TMEM117: variants seen among roughly 807,000 people sequenced by gnomAD.
The protein encoded by TMEM117 is transmembrane protein 117.
In TMEM117, 27 loss-of-function variants were observed where a neutral mutation model predicts 52.4. The observed-to-expected ratio is 0.51, with a 90% CI of 0.38 to 0.71. The LOEUF is 0.71. Ranked by LOEUF, TMEM117 falls within the 30% of genes least tolerant of loss-of-function variation. The pLI, the probability that TMEM117 is intolerant of heterozygous loss-of-function variation, is 0.00. For missense variants in TMEM117, 556 were observed against 630.5 expected (o/e 0.88, Z 1.26); for synonymous variants, 215 against 206.3 (o/e 1.04, Z -0.36).
intron 3 of TMEM117, among the ~76,000 whole-genome samples, chr12:44,070,799 C>T (rs1947290269): frequency 6.6e-6 from 1 of 152,168 alleles, no homozygotes; most frequent in South Asian, 2.1e-4. Context: ...ATTCAGCCTC[C>T]TCCAGTAAAT....
At chr12:44,176,201 T>C (rs1287502533) in intron 4 of TMEM117, among the ~76,000 whole-genome samples, 1 of 152,212 alleles carries the variant, frequency 6.6e-6, no homozygotes, top group African/African-American at 2.4e-5. Flanking sequence ...CACTTAGGGT[T>C]GACTAGACTG....
chr12:44,332,619 T>C (rs1951285878), intron 6 of TMEM117, among the ~76,000 whole-genome samples: 1 of 151,960 alleles, frequency 6.6e-6, no homozygotes, highest in African/African-American at 2.4e-5. Context: ...GTATGGAATT[T>C]ATTATAGAAT....
chr12:44,123,794 G>A (rs1948276850), intron 3 of TMEM117, among the ~76,000 whole-genome samples: 2 of 152,098 alleles, frequency 1.3e-5, no homozygotes, highest in South Asian at 4.1e-4. Flanking sequence ...TGCTGTTTTG[G>A]TTACTGTAGC....
chr12:44,119,312 T>C (rs1948195473), intron 3 of TMEM117, among the ~76,000 whole-genome samples: 1 of 152,196 alleles, frequency 6.6e-6, no homozygotes, highest in Non-Finnish European at 1.5e-5. Context: ...AGGATGTTTA[T>C]GTAGTGAAAA....
chr12:44,202,294 A>T (rs1466183323), intron 4 of TMEM117, among the ~76,000 whole-genome samples: 4 of 152,192 alleles, frequency 2.6e-5, no homozygotes, highest in Admixed American at 6.5e-5. Flanking sequence ...AAGAATGCAC[A>T]TAAAAAGGTA....
chr12:44,182,702 A>C lies in TMEM117; in HGVS notation c.511-28588A>C, dbSNP rs73290267. 6.8e-3 allele frequency among the ~76,000 whole-genome samples: 1,037 copies of C among 152,280 alleles called. 14 individuals are homozygous for C. Among genetic ancestry groups the C allele is most frequent in the African/African-American group, 0.024 (991 of 41,548 alleles). On this transcript the variant is annotated intron_variant, in intron 4 of 7. Coordinates refer to ENST00000266534, the MANE Select transcript of TMEM117 (RefSeq NM_032256.3). ...GCTCAGGAAAAAAAGCCTAGTGGAT[A>C]ATTCAGACATATATCCCCTGCCATA...
chr12:44,168,796 C>T (rs1949005367), intron 4 of TMEM117, among the ~76,000 whole-genome samples: 1 of 152,102 alleles, frequency 6.6e-6, no homozygotes, highest in Admixed American at 6.6e-5. Context: ...CCGGAACCAC[C>T]ATTCATCTCC....
At chr12:43,888,285 C>T (rs937026596) in intron 2 of TMEM117, among the ~76,000 whole-genome samples, 1 of 152,184 alleles carries the variant, frequency 6.6e-6, no homozygotes, top group Non-Finnish European at 1.5e-5. Context: ...TCAGTAAAGA[C>T]TAATTTACTA....
intron 2 of TMEM117, among the ~76,000 whole-genome samples, chr12:43,936,936 A>G (rs1021417773): frequency 2.0e-5 from 3 of 152,152 alleles, no homozygotes; most frequent in African/African-American, 7.2e-5. Flanking sequence ...TTTTAGGATC[A>G]ACTTAAGAGG....
At chr12:44,230,328 C>G (rs895683868) in intron 5 of TMEM117, among the ~76,000 whole-genome samples, 8 of 152,046 alleles carry the variant, frequency 5.3e-5, no homozygotes, top group African/African-American at 1.9e-4. Flanking sequence ...CTATTTTCCT[C>G]TCAATTCTGC....
chr12:44,164,552 A>G (rs1948939006), intron 4 of TMEM117, among the ~76,000 whole-genome samples: 1 of 152,180 alleles, frequency 6.6e-6, no homozygotes, highest in Non-Finnish European at 1.5e-5. Flanking sequence ...CTATACTTTC[A>G]TGAGGGGCTG....
intron 3 of TMEM117, among the ~76,000 whole-genome samples, chr12:44,033,224 C>T (rs962556959): frequency 6.6e-6 from 1 of 152,138 alleles, no homozygotes; most frequent in African/African-American, 2.4e-5. Context: ...CCTGTATGGT[C>T]TGAAAAGGGG....
chr12:43,878,672 T>G (rs749549226), intron 2 of TMEM117, among the ~76,000 whole-genome samples: 21 of 152,150 alleles, frequency 1.4e-4, no homozygotes, highest in Admixed American at 1.2e-3. Flanking sequence ...GAAGTAAATA[T>G]TAAAAAGGAA....
chr12:43,806,570 GCTCT>G, the TMEM117 span, among the ~76,000 whole-genome samples: 6 of 152,248 alleles, frequency 3.9e-5, no homozygotes, highest in South Asian at 1.2e-3. Flanking sequence ...TCCGACGTCT[GCTCT>G]CTGACAACCC....
At chr12:43,965,645 C>T (rs764166597) in intron 3 of TMEM117, among the ~76,000 whole-genome samples, 5 of 152,202 alleles carry the variant, frequency 3.3e-5, no homozygotes, top group Non-Finnish European at 7.3e-5. Flanking sequence ...GCTTAATGGT[C>T]TGAGCCTTTT....
intron 5 of TMEM117, among the ~76,000 whole-genome samples, chr12:44,289,151 A>G (rs1399217298): frequency 6.6e-6 from 1 of 151,734 alleles, no homozygotes; most frequent in Non-Finnish European, 1.5e-5. Context: ...ATTTAGCATA[A>G]TGTTCTTTAG....
chr12:44,101,235 C>T (rs1178126895), intron 3 of TMEM117, among the ~76,000 whole-genome samples: 1 of 150,918 alleles, frequency 6.6e-6, no homozygotes, highest in Non-Finnish European at 1.5e-5. Flanking sequence ...ACGCTTAATA[C>T]ATATGTTCAA....
intron 5 of TMEM117, among the ~76,000 whole-genome samples, chr12:44,299,222 C>CCT (rs1950806826): frequency 6.6e-6 from 1 of 151,578 alleles, no homozygotes; most frequent in Non-Finnish European, 1.5e-5. Flanking sequence ...ACTCCACCTC[C>CCT]CAGGTTCAAG....
At chr12:44,325,272 T>C (rs761296252) in intron 6 of TMEM117, among the ~76,000 whole-genome samples, 3 of 152,138 alleles carry the variant, frequency 2.0e-5, no homozygotes, top group Non-Finnish European at 4.4e-5. Context: ...ACAAGCCCCT[T>C]CATCTTTCTA....
Sources: allele counts gnomAD v4.1 joint callset (sites outside exome capture counted in the v4.1 genomes callset), GRCh38; gene constraint gnomAD v4.1.1; transcripts MANE v1.5; gene names NCBI Gene and HGNC (gene_info 2026-07-23, HGNC 2026-07-21).